Variants in N4BP1 observed in about 807,000 individuals in gnomAD.
The protein encoded by N4BP1 is NEDD4 binding protein 1.
Under a neutral mutation model 70.9 loss-of-function variants are expected in N4BP1, and 21 were observed. The ratio of observed to expected loss-of-function variants is 0.30; its 90% confidence interval spans 0.21 to 0.43. The LOEUF (loss-of-function observed/expected upper bound fraction) is 0.43. Ranked by LOEUF, N4BP1 falls within the 20% of genes least tolerant of loss-of-function variation. The probability of loss-of-function intolerance (pLI) is 1.00; values close to 1 mark genes in which losing one functional copy is unlikely to be tolerated. For synonymous variants in N4BP1, 387 were observed against 394.6 expected, an observed-to-expected ratio of 0.98 and a Z score of 0.23; for missense variants, 936 against 1,069.4, an observed-to-expected ratio of 0.88 and a Z score of 1.74.
chr16:48,544,525 A>G (rs552387223), intron 6 of N4BP1, among the ~76,000 whole-genome samples: 7 of 152,248 alleles, frequency 4.6e-5, no homozygotes, highest in Non-Finnish European at 8.8e-5. Flanking sequence ...TAAAAAGAGT[A>G]AACATCAGTC....
chr16:48,586,517 A>G (rs908354627), intron 1 of N4BP1, among the ~76,000 whole-genome samples: 1 of 152,232 alleles, frequency 6.6e-6, no homozygotes, highest in Non-Finnish European at 1.5e-5. Flanking sequence ...TAACGTAACA[A>G]GAGCAGAATT....
Position 48,546,245 on chromosome 16 carries a change from C to T in N4BP1, c.2235G>A (p.Gln745=). The T allele has an allele frequency of 6.2e-7, 1 of 1,608,540 alleles. No individual in the cohort carries two copies. The highest frequency in any genetic ancestry group is 8.5e-7 in the Non-Finnish European group (1 of 1,177,498). The change falls in exon 6 of 7, where the codon CAG becomes CAA. Residue 745 remains glutamine, a synonymous_variant. Coordinates refer to ENST00000262384, the MANE Select transcript of N4BP1 (RefSeq NM_153029.4). The part of the protein sequence containing the change: ...WREIITKRLL[Q]YTFVGDIFMV... ...TAAATATGTCCCCCACGAACGTGTA[C>T]TGCAGCAGCCTACAACACAGAACAC...
rs559468063 is a variant in N4BP1, at chr16:48,538,805, A to T, written c.*4099T>A. 6.5e-6 allele frequency: 1 copy of T among 152,872 alleles called. No individual in the cohort carries two copies. The highest frequency in any genetic ancestry group is 1.5e-5 in the Non-Finnish European group (1 of 68,606). The allele number at this position is 152,872 out of a possible 1,614,324, so 9.5% of individuals were successfully genotyped here. On this transcript the variant is annotated 3_prime_UTR_variant, in exon 7 of 7. Transcript: ENST00000262384. ...GCGCCGTGGGAAATACAGAGAACAC[A>T]GGCGGTCCCTGCCCACGAGGAGCTC...
chr16:48,563,346 C>A (rs1446964575), intron 1 of N4BP1, among the ~76,000 whole-genome samples: 1 of 151,492 alleles, frequency 6.6e-6, no homozygotes, highest in Non-Finnish European at 1.5e-5. Flanking sequence ...AAGAGCGGGA[C>A]CCTATCTCTA....
rs1039341 is a variant in N4BP1, at chr16:48,540,958, C to A, written c.*1946G>T. The A allele has an allele frequency of 6.6e-6, 1 of 151,920 alleles. No individual in the cohort carries two copies. Among genetic ancestry groups the A allele is most frequent in the African/African-American group, 2.4e-5 (1 of 41,304 alleles). 9.4% of individuals were successfully genotyped at this position (151,920 alleles called of 1,614,324 possible). ...ATGAGCAATCCTTCCTTCCCATAGCCGAGAAAGGGAAAGGGGACAGGCCAA... is the reference window on the plus strand; with the variant it reads ...ATGAGCAATCCTTCCTTCCCATAGCAGAGAAAGGGAAAGGGGACAGGCCAA... On this transcript the variant is annotated 3_prime_UTR_variant, in exon 7 of 7. Transcript: ENST00000262384.
chr16:48,558,616 CT>C (rs1597094916), intron 2 of N4BP1, among the ~76,000 whole-genome samples: 1 of 152,178 alleles, frequency 6.6e-6, no homozygotes, highest in Non-Finnish European at 1.5e-5. Context: ...CCTTGCATTT[CT>C]TATTTGGAAA....
intron 3 of N4BP1, among the ~76,000 whole-genome samples, chr16:48,551,906 TACTC>T (rs1414934681): frequency 1.3e-5 from 2 of 152,024 alleles, no homozygotes; most frequent in Admixed American, 1.3e-4. Context: ...TAATCCCAGT[TACTC>T]AGGAGGCTGA....
rs199515115 is a variant in N4BP1 at position 48,558,931 on chromosome 16, AATG to A, written c.1889+1820_1889+1822del. ...CCTGTCTTCAAACTTTAACATCTGA[AATG>A]ATGACATTTTCTTTTTGACAGCAAA... On this transcript the variant is annotated intron_variant, in intron 2 of 6. Transcript: ENST00000262384. Among the ~76,000 whole-genome samples, 1,239 of 152,338 alleles carry A rather than the reference AATG, an allele frequency of 8.1e-3. 11 individuals carry two copies. Among genetic ancestry groups the A allele is most frequent in the African/African-American group, 0.027 (1,143 of 41,574 alleles).
chr16:48,581,471 G>C (rs764760543), intron 1 of N4BP1, among the ~76,000 whole-genome samples: 1 of 152,030 alleles, frequency 6.6e-6, no homozygotes, highest in Non-Finnish European at 1.5e-5. Flanking sequence ...ACTGTTCCCA[G>C]ATGACATGAT....
At chr16:48,560,532 T>C in intron 2 of N4BP1, 1 of 513,648 alleles carries the variant, frequency 1.9e-6, no homozygotes, top group Non-Finnish European at 3.4e-6. Flanking sequence ...TCTCTTGCCC[T>C]TAGAAATTAA....
At chr16:48,573,623 C>A (rs1964053717) in intron 1 of N4BP1, among the ~76,000 whole-genome samples, 1 of 151,802 alleles carries the variant, frequency 6.6e-6, no homozygotes, top group South Asian at 2.1e-4. Context: ...AAAAAAAACC[C>A]CAGCAATATA....
chr16:48,599,048 C>T (rs1964460392), intron 1 of N4BP1, among the ~76,000 whole-genome samples: 1 of 152,072 alleles, frequency 6.6e-6, no homozygotes, highest in Non-Finnish European at 1.5e-5. Flanking sequence ...AAAACCGGTT[C>T]ATAAAGTCCT....
rs200492810 is a variant in N4BP1 at position 48,561,682 on chromosome 16, T to C, written c.961A>G (p.Ile321Val). The change falls in exon 2 of 7, where the codon ATA (isoleucine) becomes GTA (valine). Residue 321 changes from isoleucine (I) to valine (V), a missense_variant. Around this residue, in one of 4 missense-constraint regions of N4BP1, gnomAD observed 515 missense variants for 491.7 expected, o/e 1.05. Coordinates refer to ENST00000262384, the MANE Select transcript of N4BP1 (RefSeq NM_153029.4). ...GCAGAAGAATCAGATAGGTCAGCTA[T>C]TACATTTCCAGCCAATGTCTTAGCA... is the stretch of plus-strand genomic sequence containing the variant. ...HDAKTLAGNV[I>V]ADLSDSSADS... 3.7e-6 allele frequency: 6 copies of C among 1,613,010 alleles called. No individual in the cohort carries two copies. Among genetic ancestry groups the C allele is most frequent in the Admixed American group, 3.3e-5 (2 of 59,992 alleles).
chr16:48,577,523 C>A (rs905851888), intron 1 of N4BP1: 8 of 175,116 alleles, frequency 4.6e-5, no homozygotes, highest in Non-Finnish European at 8.8e-5. Context: ...GTATAAAACC[C>A]CTATGTTGCA....
chr16:48,559,702 C>T (rs997706891), intron 2 of N4BP1: 2 of 152,176 alleles, frequency 1.3e-5, no homozygotes, highest in Non-Finnish European at 2.9e-5. Flanking sequence ...AATGCCAACC[C>T]GTAGGTAATC....
chr16:48,599,508 T>G (rs190012875), intron 1 of N4BP1, among the ~76,000 whole-genome samples: 1 of 152,360 alleles, frequency 6.6e-6, no homozygotes, highest in Non-Finnish European at 1.5e-5. Context: ...AGCAATCTTA[T>G]TCTAACACTG....
Position 48,601,363 on chromosome 16 carries a change from T to A in N4BP1, c.198+8412A>T, listed in dbSNP as rs566850730. Among the ~76,000 whole-genome samples the A allele has an allele frequency of 2.6e-5, 4 of 152,376 alleles. No individual in the cohort carries two copies. In the East Asian group the frequency reaches 7.7e-4, roughly 29 times the overall value. ...TGATCTAGAAGCAGAGGAATCCCAGTGCCTTTTAAAAGTTATTATGTAGTT... is the reference window on the plus strand; with the variant it reads ...TGATCTAGAAGCAGAGGAATCCCAGAGCCTTTTAAAAGTTATTATGTAGTT... On this transcript the variant is annotated intron_variant, in intron 1 of 6. Coordinates refer to ENST00000262384, the MANE Select transcript of N4BP1 (RefSeq NM_153029.4).
At chr16:48,604,334 T>A (rs926670412) in intron 1 of N4BP1, among the ~76,000 whole-genome samples, 1 of 152,130 alleles carries the variant, frequency 6.6e-6, no homozygotes, top group Non-Finnish European at 1.5e-5. Flanking sequence ...GAGGATCATT[T>A]GAGCTCGGGA....
chr16:48,587,947 T>C (rs1964271475), intron 1 of N4BP1, among the ~76,000 whole-genome samples: 1 of 152,098 alleles, frequency 6.6e-6, no homozygotes, highest in South Asian at 2.1e-4. Flanking sequence ...ACAGGTGAAA[T>C]ATGTAGAGAT....
Sources: allele counts gnomAD v4.1 joint callset (sites outside exome capture counted in the v4.1 genomes callset), GRCh38; gene constraint gnomAD v4.1.1; regional missense constraint gnomAD v4.1.1; transcripts MANE v1.5; gene names NCBI Gene and HGNC (gene_info 2026-07-23, HGNC 2026-07-21).